The following PSD3 variants were observed in gnomAD, a reference collection of about 807,000 sequenced individuals.
The protein encoded by PSD3 is PH and SEC7 domain-containing protein 3.
A neutral mutation model predicts 105.5 loss-of-function variants in PSD3; 49 were observed. The observed-to-expected ratio is 0.46, with a 90% CI of 0.37 to 0.59. PSD3 has a LOEUF of 0.59. Among genes scored for constraint, PSD3 ranks in the 20% least tolerant of loss-of-function variants. The pLI is 0.00. For missense variants in PSD3, 1,561 were observed against 1,263.8 expected, an observed-to-expected ratio of 1.24 and a Z score of -3.57; for synonymous variants, 557 against 457.8, an observed-to-expected ratio of 1.22 and a Z score of -2.77.
Position 18,718,061 on chromosome 8 carries a change from C to G in PSD3, c.2172+47388G>C, listed in dbSNP as rs111680360. ...AAGGGTTTAACAGTCTTTCTTCAAG[C>G]ACATTCGGCAGAAATGGAATTAGTT... On this transcript the variant is annotated intron_variant, in intron 9 of 15. Coordinates refer to ENST00000327040, the MANE Select transcript of PSD3 (RefSeq NM_015310.4). Among the ~76,000 whole-genome samples the G allele has an allele frequency of 5.5e-3, 838 of 152,278 alleles. 9 individuals are homozygous for G. The highest frequency in any genetic ancestry group is 0.019 in the African/African-American group (797 of 41,554).
At chr8:18,754,158 TG>T in intron 9 of PSD3, among the ~76,000 whole-genome samples, 2 of 152,188 alleles carry the variant, frequency 1.3e-5, no homozygotes, top group East Asian at 3.9e-4. Flanking sequence ...CCGAGGTGGG[TG>T]GATTACCTGA....
intron 8 of PSD3, among the ~76,000 whole-genome samples, chr8:18,771,863 C>G (rs11203995): frequency 1.3e-3 from 193 of 152,172 alleles, no homozygotes; most frequent in African/African-American, 4.4e-3. Context: ...ATCTCAAACT[C>G]TATACCCATT....
intron 9 of PSD3, among the ~76,000 whole-genome samples, chr8:18,671,057 G>C (rs547590503): frequency 6.6e-6 from 1 of 152,152 alleles, no homozygotes; most frequent in Non-Finnish European, 1.5e-5. Context: ...CACAGCGAGG[G>C]TTTCATTTGC....
chr8:18,693,705 C>A (rs750075189), intron 9 of PSD3, among the ~76,000 whole-genome samples: 2 of 152,196 alleles, frequency 1.3e-5, no homozygotes, highest in African/African-American at 4.8e-5. Flanking sequence ...ACTTTTCCTA[C>A]GGAAGCAACG....
chr8:19,041,388 T>C (rs898635645), intron 1 of PSD3, among the ~76,000 whole-genome samples: 1 of 152,174 alleles, frequency 6.6e-6, no homozygotes, highest in African/African-American at 2.4e-5. Flanking sequence ...ATATGTGTAG[T>C]CAGAATTCCT....
chr8:18,976,991 T>G (rs1402021556), intron 1 of PSD3, among the ~76,000 whole-genome samples: 1 of 152,104 alleles, frequency 6.6e-6, no homozygotes, highest in Non-Finnish European at 1.5e-5. Flanking sequence ...TTTGACTTTG[T>G]TTTTAAAGTC....
chr8:18,674,341 C>T (rs1021268305), intron 9 of PSD3, among the ~76,000 whole-genome samples: 9 of 152,162 alleles, frequency 5.9e-5, no homozygotes, highest in African/African-American at 2.2e-4. Flanking sequence ...CTATTTCTTT[C>T]TTTAGTATTT....
intron 8 of PSD3, among the ~76,000 whole-genome samples, chr8:18,774,104 T>C (rs1807802543): frequency 6.6e-6 from 1 of 152,154 alleles, no homozygotes; most frequent in South Asian, 2.1e-4. Context: ...TCCTAATAGG[T>C]TTTTTCTTTT....
At chr8:18,595,964 G>C (rs1396931862) in intron 12 of PSD3, among the ~76,000 whole-genome samples, 1 of 152,008 alleles carries the variant, frequency 6.6e-6, no homozygotes, top group East Asian at 1.9e-4. Context: ...TTCTTCTCAA[G>C]TGCACATGGA....
At chr8:18,991,095 AC>A (rs1271112535) in intron 1 of PSD3, among the ~76,000 whole-genome samples, 3 of 152,072 alleles carry the variant, frequency 2.0e-5, no homozygotes, top group Non-Finnish European at 2.9e-5. Context: ...CACCAGAAAC[AC>A]GGGTTTTACA....
intron 12 of PSD3, among the ~76,000 whole-genome samples, chr8:18,595,621 AG>A (rs1385025616): frequency 6.6e-6 from 1 of 152,106 alleles, no homozygotes; most frequent in Non-Finnish European, 1.5e-5. Context: ...AAAAGAGCAG[AG>A]GGGTAGCCAT....
chr8:18,970,107 C>T (rs890451307), intron 1 of PSD3, among the ~76,000 whole-genome samples: 29 of 151,482 alleles, frequency 1.9e-4, no homozygotes, highest in African/African-American at 6.8e-4. Flanking sequence ...GGGCGGATCA[C>T]GAGGTCAGGA....
At chr8:18,968,596 GC>G (rs1379593915) in intron 1 of PSD3, among the ~76,000 whole-genome samples, 10 of 152,206 alleles carry the variant, frequency 6.6e-5, no homozygotes, top group African/African-American at 2.2e-4. Flanking sequence ...TGTGGCCTGG[GC>G]CAGGTGTGGT....
At chr8:18,672,212 A>G (rs1799824094) in intron 9 of PSD3, among the ~76,000 whole-genome samples, 1 of 152,162 alleles carries the variant, frequency 6.6e-6, no homozygotes, top group Non-Finnish European at 1.5e-5. Flanking sequence ...AATATATGCA[A>G]TATTTTTTAA....
chr8:18,578,405 A>G (rs971928775), intron 12 of PSD3, among the ~76,000 whole-genome samples: 16 of 152,092 alleles, frequency 1.1e-4, no homozygotes, highest in Non-Finnish European at 2.4e-4. Context: ...TTACATCTCC[A>G]TGATTTGTGA....
intron 2 of PSD3, among the ~76,000 whole-genome samples, chr8:18,892,182 C>T (rs1244022551): frequency 6.6e-6 from 1 of 151,628 alleles, no homozygotes; most frequent in East Asian, 1.9e-4. Flanking sequence ...CAATCACACA[C>T]ACACACACAC....
chr8:18,992,905 A>G (rs190381539), intron 1 of PSD3, among the ~76,000 whole-genome samples: 1 of 152,192 alleles, frequency 6.6e-6, no homozygotes, highest in East Asian at 1.9e-4. Flanking sequence ...ACAATCTCCA[A>G]CTTAATTGAC....
At chr8:18,563,543 C>T (rs1801533653) in intron 14 of PSD3, among the ~76,000 whole-genome samples, 1 of 152,088 alleles carries the variant, frequency 6.6e-6, no homozygotes, top group Admixed American at 6.5e-5. Context: ...GTCTTTGAGT[C>T]AGTTTGAGGG....
chr8:18,528,300 G>A lies in PSD3; in HGVS notation c.*7443C>T, dbSNP rs1159808272. 1.3e-5 allele frequency: 2 copies of A among 152,214 alleles called. No homozygotes were observed. The highest frequency in any genetic ancestry group is 4.8e-5 in the African/African-American group (2 of 41,454). 9.4% of individuals were successfully genotyped at this position (152,214 alleles called of 1,614,324 possible). ...AGAAAGGAAACGTTAGCCATTTCCA[G>A]GAATCTGGGTGTGGAGGCAAAGATA... On this transcript the variant is annotated 3_prime_UTR_variant, in exon 16 of 16. Coordinates refer to ENST00000327040, the MANE Select transcript of PSD3 (RefSeq NM_015310.4).
Sources: gnomAD v4.1 joint callset for allele counts (sites outside exome capture counted in the v4.1 genomes callset) on GRCh38, gnomAD v4.1.1 for gene constraint, MANE v1.5 for transcripts, NCBI Gene and HGNC (gene_info 2026-07-23, HGNC 2026-07-21) for gene names.